Variants in TOP1MT observed in about 807,000 individuals in gnomAD.
TOP1MT encodes the protein DNA topoisomerase I, mitochondrial.
Under a neutral mutation model 73.9 loss-of-function variants are expected in TOP1MT, and 80 were observed. The observed-to-expected ratio is 1.08, with a 90% CI of 0.90 to 1.30. The LOEUF (loss-of-function observed/expected upper bound fraction) is 1.30. Among genes scored for constraint, TOP1MT ranks in the 50% most tolerant of loss-of-function variants. The pLI, the probability that TOP1MT is intolerant of heterozygous loss-of-function variation, is 0.00. For synonymous variants in TOP1MT, 338 were observed against 326.4 expected (o/e 1.04, Z -0.38); for missense variants, 815 against 808.0 (o/e 1.01, Z -0.10).
intron 2 of TOP1MT, among the ~76,000 whole-genome samples, chr8:143,340,558 G>T (rs1315185021): frequency 6.6e-6 from 1 of 151,966 alleles, no homozygotes; most frequent in Non-Finnish European, 1.5e-5. Context: ...GCTTCCGGCT[G>T]CCCTGAGCTT....
At chr8:143,323,506 GGCACGCCACACACACAT>G (rs1382772281) in intron 7 of TOP1MT, among the ~76,000 whole-genome samples, 2 of 46,404 alleles carry the variant, frequency 4.3e-5, no homozygotes, top group Admixed American at 2.7e-4. Flanking sequence ...ACGCCACACA[GGCACGCCACACACACAT>G]GCACGCCACA....
Position 143,341,192 on chromosome 8 carries a change from C to G in TOP1MT, c.29+2028G>C, listed in dbSNP as rs1206608221. ...CTCCCCACACGTTTGTCCTGAAGCCCTTTCTCCCCTTTCTCTTCGGATATT... is the reference window on the plus strand; with the variant it reads ...CTCCCCACACGTTTGTCCTGAAGCCGTTTCTCCCCTTTCTCTTCGGATATT... On this transcript the variant is annotated intron_variant, in intron 2 of 5. Transcript: ENST00000518007. This position sits in a 1 kb window ranked among gnomAD's most constrained non-coding sequence, Gnocchi z 4.1. Among the ~76,000 whole-genome samples, 1 of 152,192 alleles carries G rather than the reference C, an allele frequency of 6.6e-6. No homozygotes were observed. The highest frequency in any genetic ancestry group is 1.5e-5 in the Non-Finnish European group (1 of 68,038).
upstream of TOP1MT, chr8:143,334,881 A>T (rs2956274): frequency 6.2e-6 from 9 of 1,454,462 alleles, no homozygotes; most frequent in African/African-American, 7.5e-5. Flanking sequence ...TCCGGGAAAG[A>T]GCGACAAGCT....
chr8:143,354,639 G>A (rs1238391865), intron 1 of TOP1MT, among the ~76,000 whole-genome samples: 2 of 152,136 alleles, frequency 1.3e-5, no homozygotes, highest in African/African-American at 2.4e-5. Flanking sequence ...TTGAACCTGG[G>A]AGGCGGAGGT....
intron 1 of TOP1MT, among the ~76,000 whole-genome samples, chr8:143,350,549 C>T (rs949720189): frequency 6.6e-6 from 1 of 152,212 alleles, no homozygotes; most frequent in Non-Finnish European, 1.5e-5. Flanking sequence ...CCAGGCTGGC[C>T]TCGAACTCCT....
At chr8:143,339,963 T>C (rs1817047039) in intron 2 of TOP1MT, among the ~76,000 whole-genome samples, 1 of 61,588 alleles carries the variant, frequency 1.6e-5, no homozygotes, top group Admixed American at 1.6e-4. Flanking sequence ...CTACACAGCA[T>C]TCCCCCGTCC....
upstream of TOP1MT, among the ~76,000 whole-genome samples, chr8:143,336,035 A>G (rs1816976664): frequency 1.3e-5 from 2 of 152,250 alleles, no homozygotes; most frequent in South Asian, 2.1e-4. Flanking sequence ...GCTGCGGAAC[A>G]GTGATGCATA....
intron 1 of TOP1MT, chr8:143,332,716 G>A (rs1816893309): frequency 1.9e-6 from 1 of 517,346 alleles, no homozygotes; most frequent in Non-Finnish European, 3.3e-6. Context: ...ATAAAGTAGG[G>A]AGAAGTTAAC....
upstream of TOP1MT, among the ~76,000 whole-genome samples, chr8:143,337,836 GC>G (rs1817008299): frequency 6.6e-6 from 1 of 152,156 alleles, no homozygotes; most frequent in South Asian, 2.1e-4. Flanking sequence ...TTAAAGATCG[GC>G]CCGGACCTAA....
intron 3 of TOP1MT, 134 bp from the exon 4 acceptor site, chr8:143,326,478 C>A (rs991177387): frequency 4.2e-6 from 5 of 1,189,770 alleles, no homozygotes; most frequent in Admixed American, 3.9e-5. Context: ...GCAGAACCTG[C>A]GCACGGTCCT....
At position 143,333,264 on chromosome 8, in the gene TOP1MT, T is replaced by C. The variant is rs941884852; in HGVS notation, c.122+1476A>G. 2.5e-4 allele frequency among the ~76,000 whole-genome samples: 38 copies of C among 151,998 alleles called. 2 individuals carry two copies. The highest frequency in any genetic ancestry group is 4.4e-5 in the Non-Finnish European group (3 of 67,996). ...GAGTTCGAGACCCGCCTGGCCAACA[T>C]GGCAAAACCCCCGTCTCTACTAAAA... On this transcript the variant is annotated intron_variant, in intron 1 of 13. Coordinates refer to ENST00000329245, the MANE Select transcript of TOP1MT (RefSeq NM_052963.3).
rs77048813 is a variant in TOP1MT, at chr8:143,332,510, C to T, written c.123-1171G>A. 6.9e-3 allele frequency: 8,926 copies of T among 1,289,346 alleles called. 498 individuals carry two copies. In the African/African-American group the frequency reaches 0.12, roughly 18 times the overall value. 79.9% of individuals were successfully genotyped at this position (1,289,346 alleles called of 1,614,324 possible). ...ACCTGCCAGAGCCAGGAGACCTGCA[C>T]GTGACCCCAGCCAGGTAGTGCTGTT... On this transcript the variant is annotated intron_variant, in intron 1 of 13. Transcript: ENST00000329245.
intron 1 of TOP1MT, among the ~76,000 whole-genome samples, chr8:143,354,579 G>A (rs976233585): frequency 3.3e-5 from 5 of 152,140 alleles, no homozygotes; most frequent in African/African-American, 4.8e-5. Flanking sequence ...AGGCGTGGTG[G>A]TGCATGCCTG....
At chr8:143,315,937 G>C (rs773497774) in intron 11 of TOP1MT, 62 bp downstream of exon 11, 28 of 1,611,400 alleles carry the variant, frequency 1.7e-5, no homozygotes, top group Non-Finnish European at 2.3e-5. Context: ...CTGTGCCGAG[G>C]CTCTGGGGAG....
intron 8 of TOP1MT, among the ~76,000 whole-genome samples, chr8:143,319,567 A>G (rs2129992895): frequency 6.6e-6 from 1 of 151,312 alleles, no homozygotes; most frequent in Non-Finnish European, 1.5e-5. Flanking sequence ...TCTTCAGGAC[A>G]GCCATTCAAA....
intron 3 of TOP1MT, 115 bp downstream of exon 3, chr8:143,329,235 G>T (rs1178089752): frequency 1.7e-6 from 2 of 1,193,614 alleles, no homozygotes; most frequent in African/African-American, 1.6e-5. Context: ...CCTGTGAGTG[G>T]TCACACAGGG....
intron 3 of TOP1MT, chr8:143,328,045 G>A: frequency 3.0e-6 from 1 of 334,954 alleles, no homozygotes; most frequent in Non-Finnish European, 5.8e-6. Flanking sequence ...GACAAAACAT[G>A]AAACGTGGGA....
intron 3 of TOP1MT, chr8:143,328,284 G>A (rs1214331483): frequency 2.2e-6 from 1 of 455,634 alleles, no homozygotes; most frequent in Non-Finnish European, 4.4e-6. Flanking sequence ...TCTGGGAGAT[G>A]ACATTCACAG....
At chr8:143,323,258 ACACACATGCACGCCACACACGCACGC>A (rs1816579338) in intron 7 of TOP1MT, among the ~76,000 whole-genome samples, 2 of 117,016 alleles carry the variant, frequency 1.7e-5, no homozygotes, top group Non-Finnish European at 3.5e-5. Flanking sequence ...CAGGCACGCC[ACACACATGCACGCCACACACGCACGC>A]CACACACGCA....
Sources: gnomAD v4.1 joint callset for allele counts (sites outside exome capture counted in the v4.1 genomes callset) on GRCh38, gnomAD v4.1.1 for gene constraint, Gnocchi (gnomAD v3.1) non-coding constraint, MANE v1.5 for transcripts, NCBI Gene and HGNC (gene_info 2026-07-23, HGNC 2026-07-21) for gene names.